CSF1R: variants seen among roughly 807,000 people sequenced by gnomAD.
The protein encoded by CSF1R is colony stimulating factor 1 receptor.
Under a neutral mutation model 110.0 loss-of-function variants are expected in CSF1R, and 40 were observed. That is an observed-to-expected ratio of 0.36 (90% CI 0.28 to 0.47). CSF1R has a LOEUF of 0.47. Ranked by LOEUF, CSF1R falls within the 20% of genes least tolerant of loss-of-function variation. The probability of loss-of-function intolerance (pLI) is 0.99; values close to 1 mark genes in which losing one functional copy is unlikely to be tolerated. For synonymous variants in CSF1R, 523 were observed against 503.4 expected, an observed-to-expected ratio of 1.04 and a Z score of -0.52; for missense variants, 1,052 against 1,253.0, an observed-to-expected ratio of 0.84 and a Z score of 2.42.
chr5:150,078,854 G>C (rs1236651887), intron 3 of CSF1R, among the ~76,000 whole-genome samples: 1 of 151,980 alleles, frequency 6.6e-6, no homozygotes, highest in African/African-American at 2.4e-5. Context: ...CCTCAGCAAG[G>C]CTTCTGTGAC....
rs1758852428 is a variant in CSF1R at position 150,086,468 on chromosome 5, G to A, written c.-41C>T. On this transcript the variant is annotated 5_prime_UTR_variant, in exon 1 of 21. Coordinates refer to ENST00000675795, the MANE Select transcript of CSF1R (RefSeq NM_001288705.3). ...GTGGCAGGCAGGTGCAGGGCTGCAA[G>A]GTGCCCAGGGCACAGAGCTCTCAGC... The A allele has an allele frequency of 6.3e-7, 1 of 1,589,056 alleles. No homozygotes were observed. Among genetic ancestry groups the A allele is most frequent in the Admixed American group, 1.8e-5 (1 of 56,892 alleles).
chr5:150,094,599 G>A, intron 1 of CSF1R: 1 of 1,571,512 alleles, frequency 6.4e-7, no homozygotes, highest in South Asian at 1.1e-5. Context: ...AGGTATCAAT[G>A]GAGTGAGCCC....
At chr5:150,105,823 G>C (rs953165693) in intron 1 of CSF1R, among the ~76,000 whole-genome samples, 2 of 152,198 alleles carry the variant, frequency 1.3e-5, no homozygotes, top group Non-Finnish European at 2.9e-5. Flanking sequence ...CACCACACTG[G>C]ACTCCCTAAT....
At position 150,056,248 on chromosome 5, in the gene CSF1R, T is replaced by A; in HGVS notation, c.2413A>T (p.Asn805Tyr). 1 of 1,614,110 alleles carries A rather than the reference T, an allele frequency of 6.2e-7. No homozygotes were observed. Among genetic ancestry groups the A allele is most frequent in the Non-Finnish European group, 8.5e-7 (1 of 1,180,020 alleles). The change falls in exon 17 of 21, where the codon AAT (asparagine) becomes TAT (tyrosine). Residue 805 changes from asparagine (N) to tyrosine (Y), a missense_variant. Physicochemically the swap from Asn to Tyr is moderately radical, Grantham distance 143. Coordinates refer to ENST00000675795, the MANE Select transcript of CSF1R (RefSeq NM_001288705.3). ...CCCTTGACAATGTAGTTGGAGTCAT[T>A]CATGATGTCCCTAGCCAGCCCGAAG... ...GDFGLARDIM[N>Y]DSNYIVKGNA...
chr5:150,056,120 C>T lies in CSF1R; in HGVS notation c.2460G>A (p.Lys820=), dbSNP rs531754207. The T allele has an allele frequency of 2.9e-5, 47 of 1,614,138 alleles. No homozygotes were observed. Among genetic ancestry groups the T allele is most frequent in the Middle Eastern group, 1.6e-4 (1 of 6,084 alleles). Residue 820 remains lysine (K), a synonymous_variant, in exon 18 of 21, where the codon AAG becomes AAA. Transcript: ENST00000675795. ...CAAAGATGCTCTCTGGGGCCATCCA[C>T]TTCACAGGCAGGCGGGCCTGGGATG... ...IVKGNARLPV[K]WMAPESIFDC...
intron 5 of CSF1R, chr5:150,076,888 G>T: frequency 3.6e-6 from 1 of 274,464 alleles, no homozygotes; most frequent in Middle Eastern, 1.3e-3. Context: ...GGACTCTTCA[G>T]TGTTCCCAGG....
In CSF1R at chr5:150,058,151, T is replaced by A; in HGVS notation, c.2133-559A>T. The A allele has an allele frequency of 1.3e-5, 6 of 453,512 alleles. No individual in the cohort carries two copies. The Admixed American group carries it at 1.4e-4, about 11-fold the overall frequency. The allele number at this position is 453,512 out of a possible 1,614,324, so 28.1% of individuals were successfully genotyped here. A position where few individuals can be genotyped will look rare whatever the true frequency, so the allele number is the denominator to read the frequency against. On this transcript the variant is annotated intron_variant, in intron 14 of 20. Transcript: ENST00000675795. ...GCCCACTGGTCTAGAGCAGTGCTGCTTACGCTGCAACTCATGTGCAGATAA... is the reference window on the plus strand; with the variant it reads ...GCCCACTGGTCTAGAGCAGTGCTGCATACGCTGCAACTCATGTGCAGATAA...
At chr5:150,061,945 A>G (rs749766321) in intron 10 of CSF1R, 96 bp from the exon 11 acceptor site, 55 of 1,566,850 alleles carry the variant, frequency 3.5e-5, no homozygotes, top group Non-Finnish European at 4.6e-5. Flanking sequence ...GGGCAGTCCC[A>G]AGGCGCCCAG....
At position 150,070,457 on chromosome 5, in the gene CSF1R, T is replaced by C; in HGVS notation, c.1197A>G (p.Arg399=). ...GTGGCGCTCGGCCCCAGCACTCACATCGAAGGGTGAGCTCAAACGTCAGAG... is the reference window on the plus strand; with the variant it reads ...GTGGCGCTCGGCCCCAGCACTCACACCGAAGGGTGAGCTCAAACGTCAGAG... ...WRALTFELTL[R]YPPEVSVIWT... The change falls in exon 7 of 21, where the codon CGA becomes CGG. Residue 399 remains arginine, a splice_region_variant and synonymous_variant. Transcript: ENST00000675795. 18 of 1,555,524 alleles carry C rather than the reference T, an allele frequency of 1.2e-5. No homozygotes were observed. The highest frequency in any genetic ancestry group is 1.6e-5 in the Non-Finnish European group (18 of 1,151,278).
intron 10 of CSF1R, among the ~76,000 whole-genome samples, chr5:150,066,635 T>TAC (rs1372449363): frequency 6.6e-6 from 1 of 152,238 alleles, no homozygotes; most frequent in Non-Finnish European, 1.5e-5. Context: ...TGCTGAGTGC[T>TAC]GGCAGGAGTA....
In CSF1R at chr5:150,081,762, C is replaced by T. The variant is rs191942295; in HGVS notation, c.50-738G>A. 3.3e-5 allele frequency among the ~76,000 whole-genome samples: 5 copies of T among 152,344 alleles called. No homozygotes were observed. In the East Asian group the frequency reaches 9.6e-4, roughly 29 times the overall value. On this transcript the variant is annotated intron_variant, in intron 1 of 20. Coordinates refer to ENST00000675795, the MANE Select transcript of CSF1R (RefSeq NM_001288705.3). ...CTAGTCTACACCCAGCAGCTCACCC[C>T]GGCACCCCCACACATCTGTGTTTAC... is the stretch of plus-strand genomic sequence containing the variant.
At chr5:150,101,900 A>G (rs1157191811) in intron 1 of CSF1R, among the ~76,000 whole-genome samples, 1 of 152,098 alleles carries the variant, frequency 6.6e-6, no homozygotes, top group Non-Finnish European at 1.5e-5. Flanking sequence ...TAAAAATAGT[A>G]TCCTATGCTA....
intron 6 of CSF1R, among the ~76,000 whole-genome samples, chr5:150,072,154 G>C (rs184806699): frequency 6.6e-6 from 1 of 152,180 alleles, no homozygotes; most frequent in African/African-American, 2.4e-5. Flanking sequence ...CCACGTATTC[G>C]CTGCCCTTAA....
intron 10 of CSF1R, among the ~76,000 whole-genome samples, chr5:150,066,189 G>A (rs1757761957): frequency 6.6e-6 from 1 of 152,150 alleles, no homozygotes; most frequent in Non-Finnish European, 1.5e-5. Context: ...GTTCCCCAAC[G>A]AACTTCCTCC....
rs777239066 is a variant in CSF1R, at chr5:150,080,952, C to T, written c.122G>A (p.Arg41Gln). The change falls in exon 2 of 21, where the codon CGA becomes CAA. Residue 41 changes from arginine (R) to glutamine (Q), a missense_variant. Arg to Gln is a conservative substitution (Grantham distance 43). Around this residue, in one of 5 missense-constraint regions of CSF1R, gnomAD observed 693 missense variants for 735.4 expected, o/e 0.94. Transcript: ENST00000675795. ...TTCCACGCTGCCATTGCCCACACAT[C>T]GCAAGGTCACCGTTGCTCCTGGCTT... ...VVKPGATVTLRCVGNGSVEWD... is the reference protein window; with the variant it reads ...VVKPGATVTLQCVGNGSVEWD... 1.1e-5 allele frequency: 17 copies of T among 1,613,992 alleles called. No individual in the cohort carries two copies. Among genetic ancestry groups the T allele is most frequent in the South Asian group, 4.4e-5 (4 of 91,082 alleles).
intron 4 of CSF1R, 61 bp downstream of exon 4, chr5:150,078,051 T>G: frequency 6.2e-7 from 1 of 1,602,532 alleles, no homozygotes; most frequent in Admixed American, 1.7e-5. Flanking sequence ...GACTCCACCA[T>G]GGGAAACCTG....
At chr5:150,097,023 G>A (rs1368774367) in intron 1 of CSF1R, among the ~76,000 whole-genome samples, 1 of 152,244 alleles carries the variant, frequency 6.6e-6, no homozygotes, top group Non-Finnish European at 1.5e-5. Context: ...GCACTTTGGG[G>A]GGCCAACGTA....
In CSF1R at chr5:150,096,642, G is replaced by A. The variant is rs116827359; in HGVS notation, c.-180-10035C>T. 3.1e-3 allele frequency among the ~76,000 whole-genome samples: 473 copies of A among 152,294 alleles called. 1 individual carries two copies. Among genetic ancestry groups the A allele is most frequent in the Non-Finnish European group, 5.2e-3 (355 of 68,030 alleles). ...AAAAAGGATAATGCATCATGTCCAA[G>A]TGGTATTTATTATAAGAGTTAAAGG... On this transcript the variant is annotated intron_variant, in intron 1 of 21. Coordinates refer to the CSF1R transcript ENST00000286301.
chr5:150,061,465 T>G (rs1398875339), intron 12 of CSF1R, 26 bp downstream of exon 12: 83 of 481,042 alleles, frequency 1.7e-4, no homozygotes, highest in Non-Finnish European at 2.2e-4. Flanking sequence ...CCCCCATCCC[T>G]TCCCTCATCC....
Sources: gnomAD v4.1 joint callset for allele counts (sites outside exome capture counted in the v4.1 genomes callset) on GRCh38, gnomAD v4.1.1 for gene constraint, gnomAD v4.1.1 regional missense constraint, MANE v1.5 for transcripts, NCBI Gene and HGNC (gene_info 2026-07-23, HGNC 2026-07-21) for gene names.